Variants in OSBPL10 observed in about 807,000 individuals in gnomAD.
OSBPL10 encodes the protein oxysterol-binding protein-related protein 10.
A neutral mutation model predicts 81.7 loss-of-function variants in OSBPL10; 49 were observed. That is an observed-to-expected ratio of 0.60 (90% CI 0.48 to 0.76). The LOEUF is 0.76. OSBPL10 is among the 30% of genes least tolerant of loss of function. The pLI is 0.00. For missense variants in OSBPL10, 923 were observed against 987.8 expected (o/e 0.93, Z 0.88); for synonymous variants, 419 against 383.6 (o/e 1.09, Z -1.08).
At chr3:31,893,467 T>C (rs1330511514) in intron 1 of OSBPL10, among the ~76,000 whole-genome samples, 1 of 152,186 alleles carries the variant, frequency 6.6e-6, no homozygotes, top group Admixed American at 6.5e-5. Flanking sequence ...GGTAGGAATG[T>C]GAAATAGAAC....
intron 2 of OSBPL10, chr3:31,988,619 T>C (rs74550005): frequency 0.11 from 18,929 of 177,644 alleles, 1,297 homozygotes; most frequent in South Asian, 0.26. Context: ...TCTCTCTCTC[T>C]CTTTCTCTCT....
rs191276213 is a variant in OSBPL10 at position 31,664,288 on chromosome 3, A to T, written c.2097-56T>A. The T allele has an allele frequency of 1.9e-4, 306 of 1,581,474 alleles. 2 individuals are homozygous for T. In the East Asian group the frequency reaches 6.3e-3, roughly 33 times the overall value. On this transcript the variant is annotated intron_variant, in intron 10 of 11. Coordinates refer to ENST00000396556, the MANE Select transcript of OSBPL10 (RefSeq NM_017784.5). ...AGCCAGGCCAGCTGGCTGCAAGCTAACGGAACTCTGCCAGGAGCAGCCAGA... is the reference window on the plus strand; with the variant it reads ...AGCCAGGCCAGCTGGCTGCAAGCTATCGGAACTCTGCCAGGAGCAGCCAGA...
At chr3:32,021,646 C>A (rs1699364936) in intron 2 of OSBPL10, among the ~76,000 whole-genome samples, 1 of 152,090 alleles carries the variant, frequency 6.6e-6, no homozygotes, top group Non-Finnish European at 1.5e-5. Context: ...AGTGAAATAT[C>A]TCTTCAAATC....
chr3:31,806,823 A>C (rs981606373), intron 4 of OSBPL10, among the ~76,000 whole-genome samples: 9 of 152,204 alleles, frequency 5.9e-5, no homozygotes, highest in African/African-American at 2.2e-4. Context: ...GTGGATATGC[A>C]GGGAACGGTG....
intron 4 of OSBPL10, among the ~76,000 whole-genome samples, chr3:31,769,232 C>G (rs1257387710): frequency 6.6e-6 from 1 of 151,800 alleles, no homozygotes; most frequent in East Asian, 1.9e-4. Context: ...CACCTGAGGT[C>G]GAGAGTTTGA....
intron 1 of OSBPL10, among the ~76,000 whole-genome samples, chr3:31,898,299 TAA>T (rs751825678): frequency 6.6e-6 from 1 of 152,128 alleles, no homozygotes; most frequent in Admixed American, 6.5e-5. Flanking sequence ...CAAAAAAAGA[TAA>T]GTGAGGTGAG....
chr3:31,965,632 ATATAT>A (rs1383895184), intron 1 of OSBPL10, among the ~76,000 whole-genome samples: 11 of 69,164 alleles, frequency 1.6e-4, no homozygotes, highest in African/African-American at 7.8e-4. Flanking sequence ...ATATTATATA[ATATAT>A]TATATAAATT....
At chr3:31,706,770 A>C (rs1184640675) in intron 6 of OSBPL10, among the ~76,000 whole-genome samples, 1 of 152,198 alleles carries the variant, frequency 6.6e-6, no homozygotes, top group Non-Finnish European at 1.5e-5. Flanking sequence ...TTCAATACAT[A>C]TATGTAATGT....
At chr3:32,055,655 A>G (rs550301844) in intron 1 of OSBPL10, among the ~76,000 whole-genome samples, 15 of 152,334 alleles carry the variant, frequency 9.8e-5, no homozygotes, top group South Asian at 2.1e-4. Context: ...ACAAGACACA[A>G]TTGGAGACAT....
chr3:31,760,267 T>C (rs1281724964), intron 4 of OSBPL10, among the ~76,000 whole-genome samples: 1 of 151,986 alleles, frequency 6.6e-6, no homozygotes. Context: ...TCACACTCAG[T>C]TTAATTTGTA....
intron 1 of OSBPL10, among the ~76,000 whole-genome samples, chr3:32,070,733 CA>C (rs1044809404): frequency 2.0e-5 from 3 of 152,194 alleles, no homozygotes; most frequent in Non-Finnish European, 4.4e-5. Context: ...CCTTATCAAC[CA>C]AATTGTTTTG....
At chr3:31,997,854 C>A (rs1020026254) in intron 2 of OSBPL10, among the ~76,000 whole-genome samples, 2 of 152,194 alleles carry the variant, frequency 1.3e-5, no homozygotes, top group Admixed American at 6.5e-5. Flanking sequence ...TTGGCACAAT[C>A]CCAACTCATG....
intron 2 of OSBPL10, chr3:32,030,684 G>A: frequency 1.0e-6 from 1 of 994,926 alleles, no homozygotes; most frequent in Non-Finnish European, 1.6e-6. Context: ...CATAATAGGT[G>A]TTAAAAAAAA....
chr3:31,861,512 C>T (rs1197455611), intron 3 of OSBPL10, among the ~76,000 whole-genome samples: 1 of 152,156 alleles, frequency 6.6e-6, no homozygotes, highest in African/African-American at 2.4e-5. Context: ...GTTGAATCCA[C>T]ATAGGCAGAA....
intron 1 of OSBPL10, among the ~76,000 whole-genome samples, chr3:31,918,941 C>A (rs532617458): frequency 6.6e-6 from 1 of 152,274 alleles, no homozygotes; most frequent in African/African-American, 2.4e-5. Flanking sequence ...TGGTTTCGAT[C>A]TACAAGATAA....
chr3:31,951,137 G>A (rs1697857840), intron 1 of OSBPL10, among the ~76,000 whole-genome samples: 1 of 152,066 alleles, frequency 6.6e-6, no homozygotes. Context: ...GGAAGAAATG[G>A]TGAACAACCT....
chr3:31,963,208 C>T (rs114350285), intron 1 of OSBPL10, among the ~76,000 whole-genome samples: 2 of 151,946 alleles, frequency 1.3e-5, no homozygotes, highest in East Asian at 1.9e-4. Context: ...CTCCCTTCCC[C>T]GTCCTTCCTT....
intron 1 of OSBPL10, among the ~76,000 whole-genome samples, chr3:32,053,799 C>T (rs1699687021): frequency 6.6e-6 from 1 of 152,036 alleles, no homozygotes; most frequent in South Asian, 2.1e-4. Flanking sequence ...CATGGTGAAA[C>T]CCTATCTCTA....
At chr3:31,800,002 C>T (rs192846337) in intron 4 of OSBPL10, among the ~76,000 whole-genome samples, 1 of 152,318 alleles carries the variant, frequency 6.6e-6, no homozygotes, top group Admixed American at 6.5e-5. Context: ...GCCACCACGC[C>T]CGGCCCCAAA....
Sources: allele counts gnomAD v4.1 joint callset (sites outside exome capture counted in the v4.1 genomes callset), GRCh38; gene constraint gnomAD v4.1.1; transcripts MANE v1.5; gene names NCBI Gene and HGNC (gene_info 2026-07-23, HGNC 2026-07-21).